The following SGPP1 variants were observed in gnomAD, a reference collection of about 807,000 sequenced individuals.
The protein encoded by SGPP1 is hSPP1.
In SGPP1, 21 loss-of-function variants were observed where a neutral mutation model predicts 33.0. The ratio of observed to expected loss-of-function variants is 0.64; its 90% CI spans 0.45 to 0.92. The LOEUF is 0.92. SGPP1 is among the 40% of genes least tolerant of loss of function. The pLI, the probability that SGPP1 is intolerant of heterozygous loss-of-function variation, is 0.00. For synonymous variants in SGPP1, 239 were observed against 241.2 expected, an observed-to-expected ratio of 0.99 and a Z score of 0.08; for missense variants, 543 against 589.4, an observed-to-expected ratio of 0.92 and a Z score of 0.81.
intron 1 of SGPP1, among the ~76,000 whole-genome samples, chr14:63,714,795 A>C (rs984577324): frequency 2.0e-5 from 3 of 150,916 alleles, no homozygotes; most frequent in African/African-American, 4.9e-5. Flanking sequence ...GCTGGAGTAT[A>C]GTGATGTGGT....
chr14:63,711,015 C>CTTT lies in SGPP1; in HGVS notation c.685-12360_685-12358dup, dbSNP rs1392932036. Among the ~76,000 whole-genome samples the CTTT allele has an allele frequency of 4.2e-3, 591 of 140,706 alleles. 9 individuals are homozygous for CTTT. Among genetic ancestry groups the CTTT allele is most frequent in the African/African-American group, 0.015 (572 of 38,410 alleles). The allele number at this position is 140,706 out of a possible 152,430, so 92.3% of individuals were successfully genotyped here. A position where few individuals can be genotyped will look rare whatever the true frequency, so the allele number is the denominator to read the frequency against. ...TTCATTCATTAAGATTGTTTTCTTTCTTTTTTTTTTTTTTTGAGACAGAGT... is the reference window on the plus strand; with the variant it reads ...TTCATTCATTAAGATTGTTTTCTTTCTTTTTTTTTTTTTTTTTTGAGACAGAGT... On this transcript the variant is annotated intron_variant, in intron 1 of 2. Transcript: ENST00000247225.
chr14:63,706,941 G>A (rs1398363368), intron 1 of SGPP1, among the ~76,000 whole-genome samples: 1 of 150,966 alleles, frequency 6.6e-6, no homozygotes, highest in East Asian at 1.9e-4. Flanking sequence ...TACTCGGGAG[G>A]CTGAGGTGGG....
At chr14:63,687,809 G>C (rs941662675) in intron 2 of SGPP1, among the ~76,000 whole-genome samples, 21 of 152,118 alleles carry the variant, frequency 1.4e-4, no homozygotes, top group African/African-American at 5.1e-4. Context: ...GCAACACAGG[G>C]AGACTTCGTC....
At chr14:63,715,805 T>A (rs1165607240) in intron 1 of SGPP1, among the ~76,000 whole-genome samples, 3 of 151,936 alleles carry the variant, frequency 2.0e-5, no homozygotes, top group Non-Finnish European at 2.9e-5. Context: ...TGGGGAGAAA[T>A]CCACCAGACT....
chr14:63,702,380 T>C (rs1430719095), intron 1 of SGPP1, among the ~76,000 whole-genome samples: 1 of 152,152 alleles, frequency 6.6e-6, no homozygotes, highest in South Asian at 2.1e-4. Context: ...TCTCCACCTT[T>C]ATGATATGTT....
In SGPP1 at chr14:63,727,273, A is replaced by G; in HGVS notation, c.672T>C (p.Tyr224=). 2 of 1,611,126 alleles carry G rather than the reference A, an allele frequency of 1.2e-6. No individual in the cohort carries two copies. The highest frequency in any genetic ancestry group is 1.7e-6 in the Non-Finnish European group (2 of 1,177,986). ...GAAGGAACCCTACCTGCCAGCGGCC[A>G]TAGGTGAGGAGGACCATAGAAATGG... The part of the protein sequence containing the change: ...AIPISMVLLT[Y]GRWQYPLIYG... Residue 224 remains tyrosine, a synonymous_variant, in exon 1 of 3, where the codon TAT becomes TAC. Coordinates refer to ENST00000247225, the MANE Select transcript of SGPP1 (RefSeq NM_030791.4).
chr14:63,716,399 C>A (rs1204557065), intron 1 of SGPP1, among the ~76,000 whole-genome samples: 3 of 151,954 alleles, frequency 2.0e-5, no homozygotes, highest in Non-Finnish European at 2.9e-5. Context: ...GAGGCTGAGG[C>A]AGGAGAATCG....
In SGPP1 at chr14:63,727,994, C is replaced by T. The variant is rs1438306453; in HGVS notation, c.-50G>A. The T allele has an allele frequency of 5.3e-5, 79 of 1,495,358 alleles. No individual in the cohort carries two copies. Among genetic ancestry groups the T allele is most frequent in the Non-Finnish European group, 7.0e-5 (79 of 1,129,836 alleles). 92.6% of individuals were successfully genotyped at this position (1,495,358 alleles called of 1,614,324 possible). ...GGCCGGCCTCCGGCGCAGCCCCGAA[C>T]TGTCCCCGCGCTCCTGGCCAGCGGC... is the stretch of plus-strand genomic sequence containing the variant. On this transcript the variant is annotated 5_prime_UTR_variant, in exon 1 of 3. Transcript: ENST00000247225.
chr14:63,687,935 A>G (rs1240714316), intron 2 of SGPP1, among the ~76,000 whole-genome samples: 1 of 152,166 alleles, frequency 6.6e-6, no homozygotes, highest in African/African-American at 2.4e-5. Flanking sequence ...AGCCTGGCCA[A>G]CATGGTGAAA....
At chr14:63,694,490 C>A (rs1002783884) in intron 2 of SGPP1, among the ~76,000 whole-genome samples, 5 of 151,502 alleles carry the variant, frequency 3.3e-5, no homozygotes, top group Admixed American at 1.3e-4. Context: ...GAAAAAAAAA[C>A]AAAACAAAAC....
At chr14:63,712,990 A>T (rs1176785620) in intron 1 of SGPP1, among the ~76,000 whole-genome samples, 3 of 151,402 alleles carry the variant, frequency 2.0e-5, no homozygotes, top group African/African-American at 4.9e-5. Flanking sequence ...GGGCTCAAGC[A>T]ATCCACCATT....
At chr14:63,708,303 C>A (rs1420126216) in intron 1 of SGPP1, among the ~76,000 whole-genome samples, 11 of 134,698 alleles carry the variant, frequency 8.2e-5, no homozygotes, top group Non-Finnish European at 1.4e-4. Flanking sequence ...GTCTCCCAGG[C>A]TGGAGTGCAA....
At position 63,711,203 on chromosome 14, in the gene SGPP1, C is replaced by T. The variant is rs112750364; in HGVS notation, c.685-12545G>A. On this transcript the variant is annotated intron_variant, in intron 1 of 2. Coordinates refer to ENST00000247225, the MANE Select transcript of SGPP1 (RefSeq NM_030791.4). Reference sequence around the variant, plus strand: ...TAATTTTTTGTAATTTTAGTAGAGACGGGATTTCCACATGTTGGCCAGGTT... The same window carrying T: ...TAATTTTTTGTAATTTTAGTAGAGATGGGATTTCCACATGTTGGCCAGGTT... Among the ~76,000 whole-genome samples the T allele has an allele frequency of 8.3e-3, 1,254 of 151,940 alleles. 11 individuals are homozygous for T. The highest frequency in any genetic ancestry group is 0.028 in the African/African-American group (1,164 of 41,452).
chr14:63,708,421 AT>A (rs1259120518), intron 1 of SGPP1, among the ~76,000 whole-genome samples: 312 of 134,944 alleles, frequency 2.3e-3, no homozygotes, highest in Middle Eastern at 3.9e-3. Flanking sequence ...ATGCCCAGCT[AT>A]TTTTTTTTTT....
At chr14:63,713,311 C>T (rs1390612186) in intron 1 of SGPP1, among the ~76,000 whole-genome samples, 4 of 152,176 alleles carry the variant, frequency 2.6e-5, no homozygotes, top group African/African-American at 4.8e-5. Context: ...CAGAACAATA[C>T]TTTTTTTCCT....
chr14:63,695,297 C>T (rs1261593930), intron 2 of SGPP1, among the ~76,000 whole-genome samples: 4 of 152,112 alleles, frequency 2.6e-5, no homozygotes, highest in Non-Finnish European at 4.4e-5. Flanking sequence ...ACCTCATGAT[C>T]CGCCCGCCTC....
rs984505761 is a variant in SGPP1, at chr14:63,727,287, C to T, written c.658G>A (p.Val220Ile). The change falls in exon 1 of 3, where the codon GTC becomes ATC. Residue 220 changes from valine to isoleucine, a missense_variant. Physicochemically the swap from Val to Ile is conservative, Grantham distance 29. Coordinates refer to ENST00000247225, the MANE Select transcript of SGPP1 (RefSeq NM_030791.4). ...TGCCAGCGGCCATAGGTGAGGAGGA[C>T]CATAGAAATGGGGATGGCGGTGCCG... ...MSGTAIPISM[V>I]LLTYGRWQYP... The T allele has an allele frequency of 4.3e-6, 7 of 1,613,314 alleles. No individual in the cohort carries two copies. The highest frequency in any genetic ancestry group is 5.9e-6 in the Non-Finnish European group (7 of 1,179,556).
chr14:63,697,604 G>A (rs781748033), intron 2 of SGPP1, among the ~76,000 whole-genome samples: 1 of 152,042 alleles, frequency 6.6e-6, no homozygotes, highest in Non-Finnish European at 1.5e-5. Context: ...TGACAGATAA[G>A]GAAAAAAGCA....
chr14:63,693,648 C>T (rs960707495), intron 2 of SGPP1, among the ~76,000 whole-genome samples: 1 of 152,062 alleles, frequency 6.6e-6, no homozygotes, highest in Non-Finnish European at 1.5e-5. Context: ...GGATCTTGCT[C>T]TGTTGCCCAG....
Sources: allele counts gnomAD v4.1 joint callset (sites outside exome capture counted in the v4.1 genomes callset), GRCh38; gene constraint gnomAD v4.1.1; transcripts MANE v1.5; gene names NCBI Gene and HGNC (gene_info 2026-07-23, HGNC 2026-07-21).